Variants in PRKG1 observed in about 807,000 individuals in gnomAD.
PRKG1 encodes the protein protein kinase cGMP-dependent 1.
Under a neutral mutation model 88.1 loss-of-function variants are expected in PRKG1, and 35 were observed. That is an observed-to-expected ratio of 0.40 (90% confidence interval 0.30 to 0.53). The LOEUF is 0.53. PRKG1 is among the 20% of genes least tolerant of loss of function. PRKG1 has a pLI of 0.59. For missense variants in PRKG1, 540 were observed against 839.8 expected, an observed-to-expected ratio of 0.64 and a Z score of 4.41; for synonymous variants, 303 against 292.5, an observed-to-expected ratio of 1.04 and a Z score of -0.37.
chr10:52,087,728 A>C (rs1846951777), intron 7 of PRKG1, among the ~76,000 whole-genome samples: 1 of 152,218 alleles, frequency 6.6e-6, no homozygotes, highest in Non-Finnish European at 1.5e-5. Context: ...TCTGGCAACC[A>C]AGAACAGAGT....
chr10:51,771,956 A>G (rs1263775681), intron 3 of PRKG1, among the ~76,000 whole-genome samples: 1 of 152,206 alleles, frequency 6.6e-6, no homozygotes, highest in East Asian at 1.9e-4. Context: ...TAAAGCAATT[A>G]GAAATTCAGA....
rs368148147 is a variant in PRKG1 at position 51,240,089 on chromosome 10, G to C, written c.478+86759G>C. Among the ~76,000 whole-genome samples the C allele has an allele frequency of 9.9e-5, 15 of 152,206 alleles. No homozygotes were observed. The South Asian group carries it at 3.1e-3, about 32-fold the overall frequency. On this transcript the variant is annotated intron_variant, in intron 2 of 17. Transcript: ENST00000373980. ...TTAGGTGTGATCACAAACATTTCTA[G>C]TTATATATTAAAGACTCTACCTTGC...
At chr10:51,728,512 T>C (rs1282113679) in intron 3 of PRKG1, among the ~76,000 whole-genome samples, 1 of 144,730 alleles carries the variant, frequency 6.9e-6, no homozygotes, top group Non-Finnish European at 1.5e-5. Flanking sequence ...ATCCTCACTC[T>C]CAAGGAATGC....
At chr10:51,476,456 C>T (rs539662003) in intron 3 of PRKG1, among the ~76,000 whole-genome samples, 11 of 152,074 alleles carry the variant, frequency 7.2e-5, no homozygotes, top group African/African-American at 2.4e-4. Context: ...AACAGTCTGC[C>T]TCATTGATAA....
chr10:51,188,549 T>C (rs1166118925), intron 2 of PRKG1, among the ~76,000 whole-genome samples: 2 of 151,952 alleles, frequency 1.3e-5, no homozygotes, highest in African/African-American at 2.4e-5. Context: ...CAAGATACAA[T>C]TGCAACAAAT....
chr10:52,205,340 G>A (rs1839791740), intron 9 of PRKG1, among the ~76,000 whole-genome samples: 1 of 152,052 alleles, frequency 6.6e-6, no homozygotes, highest in Non-Finnish European at 1.5e-5. Flanking sequence ...TATGGCTCAG[G>A]GGGCATCACA....
chr10:51,121,084 C>CT (rs1845248241), intron 1 of PRKG1, among the ~76,000 whole-genome samples: 2 of 152,164 alleles, frequency 1.3e-5, no homozygotes, highest in South Asian at 4.1e-4. Flanking sequence ...TAGGTCCAGT[C>CT]TTTCTCATAT....
rs1254025764 is a variant in PRKG1 at position 52,288,772 on chromosome 10, T to C, written c.1756T>C (p.Leu586=). ...PDPMKTYNII[L]RGIDMIEFPK... Reference sequence around the variant, plus strand: ...TCCTATGAAAACCTATAACATCATATTGAGGGGGATTGACATGATAGAATT... The same window carrying C: ...TCCTATGAAAACCTATAACATCATACTGAGGGGGATTGACATGATAGAATT... Residue 586 remains leucine, a synonymous_variant, in exon 15 of 18, where the codon TTG becomes CTG. Coordinates refer to ENST00000373980, the MANE Select transcript of PRKG1 (RefSeq NM_006258.4). 1 of 1,602,940 alleles carries C rather than the reference T, an allele frequency of 6.2e-7. No homozygotes were observed. Among genetic ancestry groups the C allele is most frequent in the Non-Finnish European group, 8.5e-7 (1 of 1,176,230 alleles).
At chr10:51,698,377 TAGC>T in intron 3 of PRKG1, 1 of 1,614,042 alleles carries the variant, frequency 6.2e-7, no homozygotes, top group Non-Finnish European at 8.5e-7. Context: ...GCTCTCCAAT[TAGC>T]AGTCTGGGAT....
At chr10:51,526,424 C>T (rs1450004085) in intron 3 of PRKG1, among the ~76,000 whole-genome samples, 1 of 152,254 alleles carries the variant, frequency 6.6e-6, no homozygotes, top group East Asian at 1.9e-4. Context: ...TTTGCACCAA[C>T]CTAATATATA....
At chr10:51,784,175 C>T (rs986022490) in intron 3 of PRKG1, among the ~76,000 whole-genome samples, 8 of 152,030 alleles carry the variant, frequency 5.3e-5, no homozygotes, top group African/African-American at 1.9e-4. Flanking sequence ...CAATCATTTC[C>T]TCAGCGGCCC....
chr10:51,009,546 T>C (rs1842970771), intron 1 of PRKG1, among the ~76,000 whole-genome samples: 1 of 152,212 alleles, frequency 6.6e-6, no homozygotes, highest in South Asian at 2.1e-4. Flanking sequence ...AAGTTAAGCT[T>C]TCTCTTAAGA....
chr10:51,549,154 T>A (rs1842520565), intron 3 of PRKG1, among the ~76,000 whole-genome samples: 1 of 135,732 alleles, frequency 7.4e-6, no homozygotes, highest in African/African-American at 3.0e-5. Flanking sequence ...GACAGAGTCT[T>A]GCTCTGTCAC....
chr10:51,204,943 T>G (rs1034918402), intron 2 of PRKG1, among the ~76,000 whole-genome samples: 5 of 152,070 alleles, frequency 3.3e-5, no homozygotes, highest in African/African-American at 1.2e-4. Flanking sequence ...AAGAGGCTAT[T>G]GCCATTTCTG....
chr10:51,880,365 G>A (rs1841407458), intron 4 of PRKG1, among the ~76,000 whole-genome samples: 1 of 152,038 alleles, frequency 6.6e-6, no homozygotes, highest in Non-Finnish European at 1.5e-5. Context: ...AGCAAGGTCT[G>A]GGGTGGAAAT....
chr10:51,761,785 T>C (rs959964628), intron 3 of PRKG1, among the ~76,000 whole-genome samples: 1 of 152,230 alleles, frequency 6.6e-6, no homozygotes, highest in African/African-American at 2.4e-5. Context: ...AATTATACCA[T>C]TTAAATAATT....
At chr10:51,921,863 CAGT>C (rs1487635703) in intron 5 of PRKG1, among the ~76,000 whole-genome samples, 2 of 151,950 alleles carry the variant, frequency 1.3e-5, no homozygotes, top group Non-Finnish European at 2.9e-5. Flanking sequence ...AGATGTCGGT[CAGT>C]AGTTTTTCTT....
intron 1 of PRKG1, among the ~76,000 whole-genome samples, chr10:51,013,174 A>AT (rs57223909): frequency 0.9 from 136,461 of 152,206 alleles, 61,352 homozygotes; most frequent in African/African-American, 0.96. Context: ...TTTTACACTT[A>AT]TTTTTCATCT....
chr10:51,781,337 T>C (rs1209621499), intron 3 of PRKG1, among the ~76,000 whole-genome samples: 1 of 152,124 alleles, frequency 6.6e-6, no homozygotes, highest in Non-Finnish European at 1.5e-5. Flanking sequence ...AACAAGCCAT[T>C]GGTTACAAAG....
Sources: allele counts gnomAD v4.1 joint callset (sites outside exome capture counted in the v4.1 genomes callset), GRCh38; gene constraint gnomAD v4.1.1; transcripts MANE v1.5; gene names NCBI Gene and HGNC (gene_info 2026-07-23, HGNC 2026-07-21).